The following DIAPH2 variants were observed in gnomAD, a reference collection of about 807,000 sequenced individuals.
DIAPH2 encodes diaphanous related formin 2, also known as protein diaphanous homolog 2.
A neutral mutation model predicts 92.7 loss-of-function variants in DIAPH2; 35 were observed. That is an observed-to-expected ratio of 0.38 (90% CI 0.29 to 0.50). The LOEUF (loss-of-function observed/expected upper bound fraction) is 0.50, where lower values mean the gene tolerates loss of function less well. Ranked by LOEUF, DIAPH2 falls within the 20% of genes least tolerant of loss-of-function variation. The pLI is 0.94. For synonymous variants in DIAPH2, 301 were observed against 280.4 expected (o/e 1.07, Z -0.73); for missense variants, 701 against 819.5 (o/e 0.86, Z 1.77).
intron 26 of DIAPH2, among the ~76,000 whole-genome samples, chrX:97,449,110 A>G (rs1026094995): frequency 4.5e-5 from 5 of 111,978 alleles, no homozygotes; most frequent in Non-Finnish European, 9.4e-5. Context: ...TTTTAATGCC[A>G]GATTTGTGCT....
intron 23 of DIAPH2, among the ~76,000 whole-genome samples, chrX:97,272,730 A>G (rs1321543255): frequency 8.9e-6 from 1 of 112,402 alleles, no homozygotes; most frequent in Non-Finnish European, 1.9e-5. Context: ...ATTCAAATAG[A>G]CCAGATAATT....
chrX:97,098,832 A>C lies in DIAPH2; in HGVS notation c.2248-862A>C, dbSNP rs1420054083. 5.3e-5 allele frequency among the ~76,000 whole-genome samples: 6 copies of C among 113,242 alleles called. No individual in the cohort carries two copies. In the East Asian group the frequency reaches 1.7e-3, roughly 32 times the overall value. On this transcript the variant is annotated intron_variant, in intron 19 of 26. Transcript: ENST00000324765. ...TTTAAGGATAATCACGTTGAGGATT[A>C]GATTTCAGCATAAGGATTTTGGAGG...
chrX:97,106,289 C>T (rs909898194), intron 20 of DIAPH2, among the ~76,000 whole-genome samples: 1 of 111,394 alleles, frequency 9.0e-6, no homozygotes, highest in Admixed American at 9.6e-5. Flanking sequence ...CTAGTTCTTA[C>T]TTCTAGATAT....
chrX:97,084,829 G>A (rs780704967), intron 19 of DIAPH2, among the ~76,000 whole-genome samples: 1 of 111,344 alleles, frequency 9.0e-6, no homozygotes, highest in East Asian at 2.8e-4. Context: ...ACTCCAGAAT[G>A]CCATCAAAAC....
At chrX:97,501,213 A>G (rs754766797) in intron 26 of DIAPH2, among the ~76,000 whole-genome samples, 2 of 111,457 alleles carry the variant, frequency 1.8e-5, no homozygotes, top group Admixed American at 9.6e-5. Context: ...ACGAAGATAT[A>G]TACTAGTCTT....
chrX:96,885,213 T>C, intron 5 of DIAPH2: 2 of 598,622 alleles, frequency 3.3e-6, no homozygotes, highest in South Asian at 3.1e-5. Flanking sequence ...TGGCATTCTT[T>C]GTCAACTCGC....
At chrX:97,341,411 G>T (rs2069113025) in intron 23 of DIAPH2, 1 of 110,708 alleles carries the variant, frequency 9.0e-6, no homozygotes, top group African/African-American at 3.3e-5. Context: ...TAATATAGGA[G>T]ATAAACAAAA....
chrX:97,404,399 C>G (rs1300723491), intron 25 of DIAPH2, among the ~76,000 whole-genome samples: 1 of 111,809 alleles, frequency 8.9e-6, no homozygotes, highest in African/African-American at 3.2e-5. Flanking sequence ...CTCTTGAAAA[C>G]TTTCTCATCA....
rs976021866 is a variant in DIAPH2 at position 97,472,305 on chromosome X, A to G, written c.3241+42560A>G. Among the ~76,000 whole-genome samples the G allele has an allele frequency of 2.7e-5, 3 of 112,399 alleles. No individual in the cohort carries two copies. The East Asian group carries it at 8.4e-4, about 31-fold the overall frequency. ...AAACACTTTCAGGCTTTTCCATAGT[A>G]ATTTACCTCATTGCTGAAAATGTTT... On this transcript the variant is annotated intron_variant, in intron 26 of 26. Transcript: ENST00000324765.
intron 24 of DIAPH2, among the ~76,000 whole-genome samples, chrX:97,355,536 C>G (rs1324181740): frequency 9.0e-6 from 1 of 111,146 alleles, no homozygotes; most frequent in Non-Finnish European, 1.9e-5. Context: ...CCAGAAATTT[C>G]TATTAGATGC....
chrX:97,247,973 C>G, intron 23 of DIAPH2, 134 bp downstream of exon 23: 1 of 551,598 alleles, frequency 1.8e-6, no homozygotes, highest in Non-Finnish European at 2.7e-6. Flanking sequence ...TGCTGTTTTT[C>G]TATTAGTAGC....
intron 26 of DIAPH2, among the ~76,000 whole-genome samples, chrX:97,440,871 T>C (rs780182965): frequency 9.0e-6 from 1 of 110,892 alleles, no homozygotes; most frequent in Non-Finnish European, 1.9e-5. Context: ...AGAAATTACT[T>C]AATGGGTACA....
chrX:97,558,388 A>G (rs748074970), intron 26 of DIAPH2, among the ~76,000 whole-genome samples: 9 of 112,125 alleles, frequency 8.0e-5, no homozygotes, highest in Non-Finnish European at 1.7e-4. Flanking sequence ...GATCAGGCAC[A>G]ATGCTTTAAA....
intron 17 of DIAPH2, 87 bp downstream of exon 17, chrX:96,965,294 T>C (rs1190880650): frequency 1.7e-6 from 1 of 593,124 alleles, no homozygotes; most frequent in Non-Finnish European, 2.4e-6. Flanking sequence ...AATGGGTATA[T>C]GTATACTTTT....
At chrX:97,278,991 G>C (rs2068474334) in intron 23 of DIAPH2, among the ~76,000 whole-genome samples, 1 of 112,214 alleles carries the variant, frequency 8.9e-6, no homozygotes, top group Non-Finnish European at 1.9e-5. Flanking sequence ...TGCAAACAAA[G>C]GGATGTGCTA....
chrX:97,162,699 G>T (rs5966674), intron 22 of DIAPH2, among the ~76,000 whole-genome samples: 1 of 109,757 alleles, frequency 9.1e-6, no homozygotes, highest in Non-Finnish European at 1.9e-5. Context: ...GTTTTTGGTA[G>T]AGACAGGATT....
intron 7 of DIAPH2, among the ~76,000 whole-genome samples, chrX:96,912,957 C>T (rs978449756): frequency 8.3e-5 from 9 of 108,317 alleles, no homozygotes; most frequent in Non-Finnish European, 7.7e-5. Context: ...TTAGTTTTCT[C>T]GATTTTTTTT....
intron 17 of DIAPH2, among the ~76,000 whole-genome samples, chrX:97,039,519 G>C (rs2066434198): frequency 9.0e-6 from 1 of 111,466 alleles, no homozygotes; most frequent in South Asian, 3.7e-4. Flanking sequence ...TAATAATTGT[G>C]ATAGGGACTC....
chrX:97,525,777 C>T (rs1412623960), intron 26 of DIAPH2, among the ~76,000 whole-genome samples: 4 of 111,825 alleles, frequency 3.6e-5, no homozygotes, highest in Non-Finnish European at 5.6e-5. Flanking sequence ...CAGTAATATA[C>T]CAGCCCACAT....
Sources: allele counts gnomAD v4.1 joint callset (sites outside exome capture counted in the v4.1 genomes callset), GRCh38; gene constraint gnomAD v4.1.1; transcripts MANE v1.5; gene names NCBI Gene and HGNC (gene_info 2026-07-23, HGNC 2026-07-21).